CCSER1: variants seen among roughly 807,000 people sequenced by gnomAD.
CCSER1 encodes the protein coiled-coil serine rich protein 1.
CCSER1 carries 41 observed loss-of-function variants against 82.0 expected under a neutral mutation model. The ratio of observed to expected loss-of-function variants is 0.50; its 90% CI spans 0.39 to 0.65. CCSER1 has a LOEUF of 0.65. CCSER1 is among the 30% of genes least tolerant of loss of function. The pLI is 0.00. For synonymous variants in CCSER1, 414 were observed against 383.9 expected (o/e 1.08, Z -0.92); for missense variants, 1,119 against 1,064.2 (o/e 1.05, Z -0.72).
At chr4:91,085,018 T>C (rs1723222752) in intron 9 of CCSER1, among the ~76,000 whole-genome samples, 1 of 151,942 alleles carries the variant, frequency 6.6e-6, no homozygotes, top group East Asian at 1.9e-4. Context: ...CTTAATGGAA[T>C]AACAACAGTA....
chr4:90,682,651 A>G (rs894171348), intron 6 of CCSER1, among the ~76,000 whole-genome samples: 1 of 152,080 alleles, frequency 6.6e-6, no homozygotes, highest in African/African-American at 2.4e-5. Context: ...TGGGAAAACA[A>G]TCTTTCCTGT....
At chr4:90,462,120 AGAAATATTTACTGGTTCAG>A (rs1212073340) in intron 4 of CCSER1, among the ~76,000 whole-genome samples, 21 of 145,374 alleles carry the variant, frequency 1.4e-4, no homozygotes, top group Admixed American at 1.4e-3. Flanking sequence ...GGCACTAAAA[AGAAATATTTACTGGTTCAG>A]TAAATATTTA....
intron 5 of CCSER1, among the ~76,000 whole-genome samples, chr4:90,594,669 G>A (rs1398091698): frequency 1.3e-5 from 2 of 152,010 alleles, no homozygotes; most frequent in African/African-American, 4.8e-5. Flanking sequence ...TCCACTAAAC[G>A]TTTCATTTAG....
chr4:91,467,456 C>A (rs1344419337), intron 10 of CCSER1, among the ~76,000 whole-genome samples: 2 of 152,172 alleles, frequency 1.3e-5, no homozygotes, highest in Admixed American at 1.3e-4. Context: ...AACTTCATGT[C>A]TAAAAAACCA....
rs373665309 is a variant in CCSER1, at chr4:91,224,575, T to C, written c.2217+138581T>C. On this transcript the variant is annotated intron_variant, in intron 10 of 10. Transcript: ENST00000509176. ...ATTTTATTGTTTGAATTAAATTTAA[T>C]AAGGCAGGTTATTTAATCTTATCTA... 8.9e-4 allele frequency among the ~76,000 whole-genome samples: 135 copies of C among 152,208 alleles called. 3 individuals are homozygous for C. In the South Asian group the frequency reaches 0.028, roughly 31 times the overall value.
At position 90,193,780 on chromosome 4, in the gene CCSER1, A is replaced by G. The variant is rs565704911; in HGVS notation, c.-42+65949A>G. ...CCTCATTTGATAAAAAAGAAAAAAC[A>G]TGTTAAAACATAGATGAAGAAAATA... On this transcript the variant is annotated intron_variant, in intron 1 of 10. Transcript: ENST00000509176. Among the ~76,000 whole-genome samples the G allele has an allele frequency of 3.9e-5, 6 of 152,214 alleles. No individual in the cohort carries two copies. The South Asian group carries it at 1.2e-3, about 32-fold the overall frequency.
chr4:91,230,001 A>G (rs1738499230), intron 10 of CCSER1, among the ~76,000 whole-genome samples: 1 of 152,170 alleles, frequency 6.6e-6, no homozygotes, highest in African/African-American at 2.4e-5. Flanking sequence ...TAAAGTTAAA[A>G]AAAATTAATT....
At position 90,741,254 on chromosome 4, in the gene CCSER1, T is replaced by C. The variant is rs1354437221; in HGVS notation, c.2010+17263T>C. ...TTTAAGAAACTGAGTCATTATAACC[T>C]CAATCTTGGTTTGAGAATCCACTTC... On this transcript the variant is annotated intron_variant, in intron 7 of 10. Coordinates refer to ENST00000509176, the MANE Select transcript of CCSER1 (RefSeq NM_001145065.2). Among the ~76,000 whole-genome samples, 4 of 152,354 alleles carry C rather than the reference T, an allele frequency of 2.6e-5. No homozygotes were observed. In the East Asian group the frequency reaches 7.7e-4, roughly 29 times the overall value.
chr4:90,434,272 A>G (rs1172975438), intron 4 of CCSER1, among the ~76,000 whole-genome samples: 3 of 152,182 alleles, frequency 2.0e-5, no homozygotes, highest in South Asian at 2.1e-4. Context: ...TGAAAAATGT[A>G]TTGTAAATGG....
chr4:90,992,012 T>G (rs1188502182), intron 9 of CCSER1, among the ~76,000 whole-genome samples: 1 of 152,088 alleles, frequency 6.6e-6, no homozygotes, highest in African/African-American at 2.4e-5. Flanking sequence ...GAGTATTGAA[T>G]GTTCTCATCT....
At position 90,359,887 on chromosome 4, in the gene CCSER1, A is replaced by ATG. The variant is rs1230784919; in HGVS notation, c.1510-40139_1510-40138dup. The stretch of plus-strand genomic sequence containing the variant: ...TGTGTATATATATGTGTGTATATAT[A>ATG]TGTGTGTGTGTATATATATATATAT... On this transcript the variant is annotated intron_variant, in intron 3 of 10. Transcript: ENST00000509176. 1.8e-3 allele frequency among the ~76,000 whole-genome samples: 144 copies of ATG among 79,272 alleles called. 2 individuals are homozygous for ATG. Among genetic ancestry groups the ATG allele is most frequent in the African/African-American group, 0.011 (137 of 12,980 alleles). 52.0% of individuals were successfully genotyped at this position (79,272 alleles called of 152,430 possible). A position where few individuals can be genotyped will look rare whatever the true frequency, so the allele number is the denominator to read the frequency against.
At chr4:90,893,665 T>C (rs1228879398) in intron 8 of CCSER1, among the ~76,000 whole-genome samples, 1 of 152,026 alleles carries the variant, frequency 6.6e-6, no homozygotes, top group African/African-American at 2.4e-5. Flanking sequence ...GGATTCTGTC[T>C]TTCTCTCCTT....
At position 91,259,558 on chromosome 4, in the gene CCSER1, A is replaced by G. The variant is rs188081454; in HGVS notation, c.2217+173564A>G. On this transcript the variant is annotated intron_variant, in intron 10 of 10. Transcript: ENST00000509176. ...CTGCACCCATCAACCTGCCATCTTC[A>G]TTAGGTATTTCTCCTAATGCTCTCC... is the stretch of plus-strand genomic sequence containing the variant. 2.0e-4 allele frequency among the ~76,000 whole-genome samples: 30 copies of G among 152,186 alleles called. No homozygotes were observed. The East Asian group carries it at 5.6e-3, about 28-fold the overall frequency.
At chr4:90,699,169 T>C (rs776784353) in intron 6 of CCSER1, among the ~76,000 whole-genome samples, 8 of 151,980 alleles carry the variant, frequency 5.3e-5, no homozygotes, top group Non-Finnish European at 8.8e-5. Context: ...AATGCAAAAG[T>C]GTGGAAGGTC....
chr4:90,274,319 G>T (rs1727139807), intron 1 of CCSER1, among the ~76,000 whole-genome samples: 1 of 152,144 alleles, frequency 6.6e-6, no homozygotes, highest in South Asian at 2.1e-4. Flanking sequence ...AACTACCAGG[G>T]AGTTGTGGAA....
intron 10 of CCSER1, among the ~76,000 whole-genome samples, chr4:91,136,405 C>T (rs2148918816): frequency 6.6e-6 from 1 of 152,262 alleles, no homozygotes; most frequent in South Asian, 2.1e-4. Context: ...GTTTTAATTG[C>T]CTGTTTACTT....
intron 10 of CCSER1, among the ~76,000 whole-genome samples, chr4:91,090,994 G>A (rs1471740659): frequency 2.0e-5 from 3 of 152,030 alleles, no homozygotes; most frequent in Non-Finnish European, 4.4e-5. Context: ...TTCCCTTTTT[G>A]GAGCCAAACA....
chr4:90,845,295 G>A (rs1438296881), intron 8 of CCSER1, among the ~76,000 whole-genome samples: 2 of 149,138 alleles, frequency 1.3e-5, no homozygotes, highest in African/African-American at 5.0e-5. Flanking sequence ...CTGGGAGGCA[G>A]AGGTTGCAGT....
At chr4:90,419,274 G>A (rs1216830874) in intron 4 of CCSER1, among the ~76,000 whole-genome samples, 5 of 151,872 alleles carry the variant, frequency 3.3e-5, no homozygotes, top group Non-Finnish European at 5.9e-5. Context: ...TACAATACCT[G>A]TTATCTGCTT....
Sources: allele counts gnomAD v4.1 joint callset (sites outside exome capture counted in the v4.1 genomes callset), GRCh38; gene constraint gnomAD v4.1.1; transcripts MANE v1.5; gene names NCBI Gene and HGNC (gene_info 2026-07-23, HGNC 2026-07-21).